ARHGEF4: variants seen among roughly 807,000 people sequenced by gnomAD.
The protein encoded by ARHGEF4 is Rho guanine nucleotide exchange factor 4.
Under a neutral mutation model 162.0 loss-of-function variants are expected in ARHGEF4, and 119 were observed. The ratio of observed to expected loss-of-function variants is 0.73; its 90% CI spans 0.63 to 0.86. The LOEUF is 0.86. ARHGEF4 is among the 40% of genes least tolerant of loss of function. The pLI is 0.00. For synonymous variants in ARHGEF4, 1,014 were observed against 979.9 expected (o/e 1.03, Z -0.65); for missense variants, 2,488 against 2,456.0 (o/e 1.01, Z -0.28).
chr2:130,945,824 G>A (rs1683580949), intron 3 of ARHGEF4, among the ~76,000 whole-genome samples: 2 of 152,128 alleles, frequency 1.3e-5, no homozygotes. Flanking sequence ...ATCATTGTTT[G>A]TATATTGATG....
intron 1 of ARHGEF4, among the ~76,000 whole-genome samples, chr2:130,852,731 C>A (rs1019244565): frequency 6.6e-6 from 1 of 152,166 alleles, no homozygotes; most frequent in African/African-American, 2.4e-5. Flanking sequence ...GCCTGAGCCC[C>A]GTCGCCTCCT....
At chr2:131,039,897 G>A in intron 6 of ARHGEF4, 119 bp from the exon 7 acceptor site, 1 of 1,455,766 alleles carries the variant, frequency 6.9e-7, no homozygotes, top group Non-Finnish European at 9.0e-7. Context: ...CCAGTCCTCA[G>A]CCCTGCGCCC....
intron 4 of ARHGEF4, among the ~76,000 whole-genome samples, chr2:131,020,397 T>G (rs1464209655): frequency 7.2e-6 from 1 of 139,816 alleles, no homozygotes; most frequent in Non-Finnish European, 1.5e-5. Context: ...TGTCCATGTG[T>G]TCTCATTGTT....
At position 131,043,566 on chromosome 2, in the gene ARHGEF4, CT is replaced by C; in HGVS notation, c.5141del (p.Leu1714ProfsTer40). On this transcript the variant is annotated frameshift_variant, in exon 11 of 14. Transcript: ENST00000409359. LOFTEE classifies it high-confidence loss of function. ...AATGTTCTTTCTCTTTGACCACCAG[CT>C]CATCTACTGTAAGAAGGTACCAGAG... ...QRMFFLFDHQ[L>X]IYCKKDLLRR... is the part of the protein sequence containing the mutation. 6.2e-7 allele frequency: 1 copy of C among 1,614,092 alleles called. No homozygotes were observed. Among genetic ancestry groups the C allele is most frequent in the Non-Finnish European group, 8.5e-7 (1 of 1,180,020 alleles).
intron 5 of ARHGEF4, among the ~76,000 whole-genome samples, chr2:131,034,464 G>C (rs1690085779): frequency 6.6e-6 from 1 of 152,170 alleles, no homozygotes; most frequent in African/African-American, 2.4e-5. Context: ...CGGACGCTGC[G>C]GTCAGTGAAG....
At chr2:130,962,657 CCA>C (rs975323074) in intron 4 of ARHGEF4, among the ~76,000 whole-genome samples, 2 of 152,086 alleles carry the variant, frequency 1.3e-5, no homozygotes, top group African/African-American at 2.4e-5. Context: ...CACCAAATGC[CCA>C]GTTTTCTAGC....
intron 1 of ARHGEF4, among the ~76,000 whole-genome samples, chr2:130,886,083 G>A (rs1278479914): frequency 1.3e-4 from 20 of 151,976 alleles, no homozygotes. Context: ...TGCTTGGTGT[G>A]CTCAGATATC....
intron 4 of ARHGEF4, among the ~76,000 whole-genome samples, chr2:130,954,382 A>G (rs980076703): frequency 1.3e-5 from 2 of 152,184 alleles, no homozygotes; most frequent in African/African-American, 4.8e-5. Context: ...GGCGGGGAAC[A>G]TCACACAGGG....
intron 1 of ARHGEF4, among the ~76,000 whole-genome samples, chr2:130,909,557 T>C (rs1212296225): frequency 1.3e-5 from 2 of 152,050 alleles, no homozygotes; most frequent in Non-Finnish European, 2.9e-5. Context: ...GGTCATCATA[T>C]TGATGGTGGT....
intron 4 of ARHGEF4, among the ~76,000 whole-genome samples, chr2:131,014,985 C>A (rs1334598303): frequency 1.3e-5 from 2 of 152,134 alleles, no homozygotes; most frequent in Non-Finnish European, 2.9e-5. Flanking sequence ...GCCTGAGGGA[C>A]CTCAGCATGT....
At chr2:130,970,603 A>G (rs1432017500) in intron 4 of ARHGEF4, among the ~76,000 whole-genome samples, 4 of 151,678 alleles carry the variant, frequency 2.6e-5, no homozygotes, top group Non-Finnish European at 4.4e-5. Flanking sequence ...AAAAAAAAAA[A>G]AAAAAGAAAA....
chr2:130,999,361 T>C (rs1573571388), intron 4 of ARHGEF4, among the ~76,000 whole-genome samples: 2 of 152,168 alleles, frequency 1.3e-5, no homozygotes, highest in South Asian at 2.1e-4. Flanking sequence ...TTTTACCATG[T>C]TAGCCAGGAT....
At chr2:130,927,042 G>A (rs1682339263) in intron 2 of ARHGEF4, among the ~76,000 whole-genome samples, 1 of 151,790 alleles carries the variant, frequency 6.6e-6, no homozygotes, top group Non-Finnish European at 1.5e-5. Flanking sequence ...GAGGGGTTTG[G>A]AATGTTTCTG....
intron 1 of ARHGEF4, among the ~76,000 whole-genome samples, chr2:130,907,153 T>G (rs1680863991): frequency 6.6e-6 from 1 of 152,032 alleles, no homozygotes; most frequent in East Asian, 1.9e-4. Flanking sequence ...CTTCTTTCAC[T>G]TAGCAAAATG....
At chr2:130,894,361 C>T (rs1680030307) in intron 1 of ARHGEF4, among the ~76,000 whole-genome samples, 1 of 152,034 alleles carries the variant, frequency 6.6e-6, no homozygotes, top group Admixed American at 6.6e-5. Flanking sequence ...CCGGGAGAAC[C>T]TTTGATTTGA....
intron 1 of ARHGEF4, among the ~76,000 whole-genome samples, chr2:130,911,574 G>A (rs748773052): frequency 4.6e-5 from 7 of 152,200 alleles, no homozygotes; most frequent in Admixed American, 1.3e-4. Context: ...TGTTTTTGAT[G>A]TACTCATTGA....
At chr2:131,028,189 G>GA in intron 5 of ARHGEF4, 105 bp downstream of exon 5, 1 of 1,461,868 alleles carries the variant, frequency 6.8e-7, no homozygotes, top group Non-Finnish European at 9.2e-7. Context: ...GTTCCATGTG[G>GA]CTGCTGGTGG....
Position 130,916,355 on chromosome 2 carries a change from C to T in ARHGEF4, c.2409C>T (p.Gly803=), listed in dbSNP as rs1177863750. 1.9e-6 allele frequency: 3 copies of T among 1,542,282 alleles called. No homozygotes were observed. Among genetic ancestry groups the T allele is most frequent in the African/African-American group, 2.8e-5 (2 of 72,540 alleles). Residue 803 remains glycine, a synonymous_variant, in exon 2 of 14, where the codon GGC becomes GGT. Coordinates refer to ENST00000409359, the MANE Select transcript of ARHGEF4 (RefSeq NM_001367493.1). ...TFSKVTSFRK[G]RPLATESPGG... is the part of the protein sequence containing the mutation. Reference sequence around the variant, plus strand: ...CCAAGGTGACCTCCTTCAGGAAGGGCAGGCCCTTGGCCACTGAGAGCCCAG... The same window carrying T: ...CCAAGGTGACCTCCTTCAGGAAGGGTAGGCCCTTGGCCACTGAGAGCCCAG...
chr2:130,928,118 A>G (rs975415927), intron 2 of ARHGEF4, among the ~76,000 whole-genome samples: 8 of 151,982 alleles, frequency 5.3e-5, no homozygotes, highest in Non-Finnish European at 1.2e-4. Flanking sequence ...TGAATTTCAT[A>G]TTTATTTCAG....
Sources: allele counts gnomAD v4.1 joint callset (sites outside exome capture counted in the v4.1 genomes callset), GRCh38; gene constraint gnomAD v4.1.1; transcripts MANE v1.5; gene names NCBI Gene and HGNC (gene_info 2026-07-23, HGNC 2026-07-21).